The following EVC variants were observed in gnomAD, a reference collection of about 807,000 sequenced individuals.
EVC encodes the protein EvC ciliary complex subunit 1.
A neutral mutation model predicts 118.9 loss-of-function variants in EVC; 116 were observed. The observed-to-expected ratio is 0.98, with a 90% CI of 0.84 to 1.14. The LOEUF is 1.14. Ranked by LOEUF, EVC falls within the 50% of genes most tolerant of loss-of-function variation. The pLI is 0.00. For synonymous variants in EVC, 619 were observed against 534.7 expected, an observed-to-expected ratio of 1.16 and a Z score of -2.18; for missense variants, 1,401 against 1,246.4, an observed-to-expected ratio of 1.12 and a Z score of -1.87.
rs1270427458 is a variant in EVC at position 5,749,580 on chromosome 4, G to T, written c.1098+1274G>T. Among the ~76,000 whole-genome samples the T allele has an allele frequency of 6.6e-6, 1 of 152,070 alleles. No homozygotes were observed. The highest frequency in any genetic ancestry group is 2.4e-5 in the African/African-American group (1 of 41,406). ...AGTGCTAAGAGTTGCCACAGACAGG[G>T]CCTGGCTAGATGCTGAGTGACTCCT... On this transcript the variant is annotated intron_variant, in intron 8 of 20. Transcript: ENST00000264956. This position sits in a 1 kb window ranked among gnomAD's most constrained non-coding sequence, Gnocchi z 4.4.
At chr4:5,800,366 A>C (rs10022236) in intron 15 of EVC, among the ~76,000 whole-genome samples, 10,593 of 152,178 alleles carry the variant, frequency 0.07, 547 homozygotes, top group South Asian at 0.13. Flanking sequence ...AACAAACAAA[A>C]AACAGAAAAG....
intron 12 of EVC, among the ~76,000 whole-genome samples, chr4:5,788,965 G>A (rs1000897237): frequency 8.5e-5 from 13 of 152,194 alleles, no homozygotes; most frequent in Non-Finnish European, 1.8e-4. Context: ...TTCTTCCAGT[G>A]TGGCCCGGGG....
intron 9 of EVC, 23 bp downstream of exon 9, chr4:5,753,075 G>A (rs756807469): frequency 3.9e-6 from 6 of 1,557,068 alleles, no homozygotes; most frequent in South Asian, 2.3e-5. Flanking sequence ...CATGGGTGCC[G>A]CCGTCCACAA....
intron 5 of EVC, 53 bp from the exon 6 acceptor site, chr4:5,741,663 A>G (rs1031036275): frequency 4.5e-6 from 5 of 1,113,106 alleles, no homozygotes; most frequent in Non-Finnish European, 6.8e-6. Flanking sequence ...GCAAAAGACA[A>G]AAATACCATT....
intron 2 of EVC, among the ~76,000 whole-genome samples, chr4:5,727,796 G>A (rs1194540444): frequency 6.7e-6 from 1 of 150,244 alleles, no homozygotes; most frequent in Non-Finnish European, 1.5e-5. Flanking sequence ...CATATGGCTA[G>A]CCAGTTTTCC....
rs1340759902 is a variant in EVC, at chr4:5,794,334, TTTATATAC to T, written c.1886+625_1886+632del. ...ATATATTTATATATATTTATATATA[TTTATATAC>T]TTATATATATATTTATGTATTTATA... On this transcript the variant is annotated intron_variant, in intron 13 of 20. Transcript: ENST00000264956. 2.7e-3 allele frequency among the ~76,000 whole-genome samples: 330 copies of T among 120,698 alleles called. 5 individuals carry two copies. The highest frequency in any genetic ancestry group is 9.0e-3 in the African/African-American group (313 of 34,690). 79.2% of individuals were successfully genotyped at this position (120,698 alleles called of 152,430 possible). A position where few individuals can be genotyped will look rare whatever the true frequency, so the allele number is the denominator to read the frequency against.
At chr4:5,766,181 A>G (rs1043801800) in intron 11 of EVC, among the ~76,000 whole-genome samples, 7 of 150,870 alleles carry the variant, frequency 4.6e-5, no homozygotes, top group Non-Finnish European at 8.8e-5. Flanking sequence ...TTGGCTGGAT[A>G]TGAAATTCTG....
chr4:5,796,695 A>G (rs1011461264), intron 13 of EVC, among the ~76,000 whole-genome samples: 1 of 151,830 alleles, frequency 6.6e-6, no homozygotes, highest in Admixed American at 6.6e-5. Context: ...TGAAATAGGA[A>G]CTCAAAAATG....
At position 5,749,321 on chromosome 4, in the gene EVC, CTA is replaced by C. The variant is rs1729987229; in HGVS notation, c.1098+1016_1098+1017del. On this transcript the variant is annotated intron_variant, in intron 8 of 20. Coordinates refer to ENST00000264956, the MANE Select transcript of EVC (RefSeq NM_153717.3). This position sits in a 1 kb window ranked among gnomAD's most constrained non-coding sequence, Gnocchi z 4.4. ...AGGCCACACATAAAATACATTAACACTAACGATAGCTGATGAGCGGAAAAAAA... is the reference window on the plus strand; with the variant it reads ...AGGCCACACATAAAATACATTAACACACGATAGCTGATGAGCGGAAAAAAA... 7.1e-6 allele frequency among the ~76,000 whole-genome samples: 1 copy of C among 141,072 alleles called. No individual in the cohort carries two copies. 92.5% of individuals were successfully genotyped at this position (141,072 alleles called of 152,430 possible). A position where few individuals can be genotyped will look rare whatever the true frequency, so the allele number is the denominator to read the frequency against.
chr4:5,814,408 G>C (rs938812579), downstream of EVC: 1 of 152,200 alleles, frequency 6.6e-6, no homozygotes, highest in African/African-American at 2.4e-5. Flanking sequence ...GGCCAACCAG[G>C]GGTCACGTTC....
In EVC at chr4:5,756,179, G is replaced by T; in HGVS notation, c.1465-85G>T. The stretch of plus-strand genomic sequence containing the variant: ...AACATCCTTCTTTCTAACCTGAGAT[G>T]CAGGGGATGGTTGGAGAACCTTCTG... On this transcript the variant is annotated intron_variant, in intron 10 of 20. Transcript: ENST00000264956. This position sits in a 1 kb window ranked among gnomAD's most constrained non-coding sequence, Gnocchi z 4.2. 1 of 1,020,972 alleles carries T rather than the reference G, an allele frequency of 9.8e-7. No individual in the cohort carries two copies. The highest frequency in any genetic ancestry group is 1.4e-5 in the South Asian group (1 of 72,920). 63.2% of individuals were successfully genotyped at this position (1,020,972 alleles called of 1,614,324 possible).
intron 12 of EVC, among the ~76,000 whole-genome samples, chr4:5,792,012 A>G (rs1435024527): frequency 6.6e-6 from 1 of 152,258 alleles, no homozygotes; most frequent in Non-Finnish European, 1.5e-5. Flanking sequence ...TTGACAGAGT[A>G]AAATAACTAA....
chr4:5,820,322 C>T, the EVC span, among the ~76,000 whole-genome samples: 3 of 143,254 alleles, frequency 2.1e-5, no homozygotes, highest in African/African-American at 5.9e-5. Flanking sequence ...TTACTGTCAC[C>T]ACCATCATTG....
rs1405154501 is a variant in EVC, at chr4:5,765,199, G to C, written c.1563+8837G>C. ...CAGGAGCAGGTTGTTCAGTTTCCAT[G>C]TAGTTGAGCGGTTTTGAGTGAGACT... On this transcript the variant is annotated intron_variant, in intron 11 of 20. Coordinates refer to ENST00000264956, the MANE Select transcript of EVC (RefSeq NM_153717.3). Among the ~76,000 whole-genome samples, 6 of 117,820 alleles carry C rather than the reference G, an allele frequency of 5.1e-5. 2 individuals are homozygous for C. In the East Asian group the frequency reaches 1.6e-3, roughly 32 times the overall value. 77.3% of individuals were successfully genotyped at this position (117,820 alleles called of 152,430 possible).
chr4:5,719,507 T>A lies in EVC; in HGVS notation c.300+134T>A. 7.7e-7 allele frequency: 1 copy of A among 1,294,496 alleles called. No individual in the cohort carries two copies. Among genetic ancestry groups the A allele is most frequent in the South Asian group, 1.2e-5 (1 of 82,850 alleles). The allele number at this position is 1,294,496 out of a possible 1,614,324, so 80.2% of individuals were successfully genotyped here. A position where few individuals can be genotyped will look rare whatever the true frequency, so the allele number is the denominator to read the frequency against. On this transcript the variant is annotated intron_variant, in intron 2 of 20. Transcript: ENST00000264956. The surrounding 1 kb of genome is among the most constrained non-coding windows in gnomAD (Gnocchi z 4.7). ...ATGGGCTGCTTTTCTGAGGCATAATTTACATACAGTCAAATGCGCAGACTT... is the reference window on the plus strand; with the variant it reads ...ATGGGCTGCTTTTCTGAGGCATAATATACATACAGTCAAATGCGCAGACTT...
intron 1 of EVC, among the ~76,000 whole-genome samples, chr4:5,718,021 G>C (rs1724269740): frequency 6.6e-6 from 1 of 152,238 alleles, no homozygotes; most frequent in African/African-American, 2.4e-5. Context: ...TTAACTCAGT[G>C]ACAAACTGGT....
intron 11 of EVC, among the ~76,000 whole-genome samples, chr4:5,760,950 C>T (rs1416228479): frequency 6.6e-6 from 1 of 152,148 alleles, no homozygotes; most frequent in East Asian, 1.9e-4. Context: ...GGTTCCAGGT[C>T]GCCTGGCATA....
intron 11 of EVC, among the ~76,000 whole-genome samples, chr4:5,770,441 C>G (rs1302853081): frequency 6.6e-6 from 1 of 152,168 alleles, no homozygotes; most frequent in East Asian, 1.9e-4. Context: ...GGCCAGACCC[C>G]TCTTTGGTCA....
intron 16 of EVC, among the ~76,000 whole-genome samples, chr4:5,804,239 CACTTT>C (rs1423999430): frequency 6.6e-6 from 1 of 152,154 alleles, no homozygotes; most frequent in Non-Finnish European, 1.5e-5. Context: ...CGCCCGGCCT[CACTTT>C]ACTTTTAAAG....
Sources: allele counts gnomAD v4.1 joint callset (sites outside exome capture counted in the v4.1 genomes callset), GRCh38; gene constraint gnomAD v4.1.1; non-coding constraint Gnocchi (gnomAD v3.1); transcripts MANE v1.5; gene names NCBI Gene and HGNC (gene_info 2026-07-23, HGNC 2026-07-21).